UBAP2: variants seen among roughly 807,000 people sequenced by gnomAD.
The protein encoded by UBAP2 is ubiquitin associated protein 2.
In UBAP2, 75 loss-of-function variants were observed where a neutral mutation model predicts 139.6. That is an observed-to-expected ratio of 0.54 (90% CI 0.45 to 0.65). UBAP2 has a LOEUF of 0.65. Among genes scored for constraint, UBAP2 ranks in the 30% least tolerant of loss-of-function variants. UBAP2 has a pLI of 0.00. For synonymous variants in UBAP2, 526 were observed against 526.2 expected (o/e 1.00, Z 0.01); for missense variants, 1,368 against 1,369.6 (o/e 1.00, Z 0.02).
intron 20 of UBAP2, among the ~76,000 whole-genome samples, chr9:33,927,414 G>C (rs1823541063): frequency 6.6e-6 from 1 of 152,200 alleles, no homozygotes; most frequent in African/African-American, 2.4e-5. Context: ...TGCAGTGCCA[G>C]GAGAGGGACA....
At chr9:34,047,791 G>A (rs1274728276) in intron 1 of UBAP2, among the ~76,000 whole-genome samples, 1 of 152,200 alleles carries the variant, frequency 6.6e-6, no homozygotes, top group African/African-American at 2.4e-5. Context: ...GCCAGCCTGG[G>A]CAACATATGG....
chr9:33,990,637 A>ATTT lies in UBAP2; in HGVS notation c.289-1514_289-1512dup, dbSNP rs35851905. On this transcript the variant is annotated intron_variant, in intron 4 of 28. Coordinates refer to ENST00000379238, the MANE Select transcript of UBAP2 (RefSeq NM_001370062.2). ...GGTTACTTAGAAATAGTACCCCCCA[A>ATTT]TTTTTTTTTTTTTTTTGAGACAGAG... Among the ~76,000 whole-genome samples, 105 of 132,628 alleles carry ATTT rather than the reference A, an allele frequency of 7.9e-4. 3 individuals are homozygous for ATTT. The highest frequency in any genetic ancestry group is 9.1e-4 in the African/African-American group (32 of 35,172). The allele number at this position is 132,628 out of a possible 152,430, so 87.0% of individuals were successfully genotyped here.
rs752599980 is a variant in UBAP2 at position 33,922,896 on chromosome 9, CA to C, written c.3073-19del. ...TCAAAAGTCTACAGGGCAAAGAAGA[CA>C]ATGGTGAAGGTCAGGTTGGGCTGTA... On this transcript the variant is annotated intron_variant, in intron 27 of 28. Coordinates refer to ENST00000379238, the MANE Select transcript of UBAP2 (RefSeq NM_001370062.2). 1.2e-6 allele frequency: 2 copies of C among 1,610,982 alleles called. No homozygotes were observed. The highest frequency in any genetic ancestry group is 1.3e-5 in the African/African-American group (1 of 74,864).
intron 14 of UBAP2, among the ~76,000 whole-genome samples, chr9:33,943,810 T>A (rs945201234): frequency 1.3e-5 from 2 of 152,100 alleles, no homozygotes; most frequent in Non-Finnish European, 2.9e-5. Context: ...CTCATGCCTG[T>A]AATCCCAGGA....
At chr9:34,035,514 A>AAAAAATATATATATATATATATAT in intron 1 of UBAP2, among the ~76,000 whole-genome samples, 2 of 22,472 alleles carry the variant, frequency 8.9e-5, no homozygotes, top group African/African-American at 2.6e-4. Context: ...AAAAAAAAAA[A>AAAAAATATATATATATATATATAT]ATATATATAT....
intron 6 of UBAP2, among the ~76,000 whole-genome samples, chr9:33,981,285 T>TATATATATATATTCTGG (rs1564044751): frequency 4.2e-5 from 3 of 71,140 alleles, no homozygotes; most frequent in African/African-American, 1.7e-4. Context: ...ATATTCTGGA[T>TATATATATATATTCTGG]ATATATATAT....
chr9:33,993,013 G>C (rs143579034), intron 4 of UBAP2, among the ~76,000 whole-genome samples: 1 of 152,222 alleles, frequency 6.6e-6, no homozygotes, highest in East Asian at 1.9e-4. Flanking sequence ...TTACTAAAAA[G>C]AGTTAAGTAC....
intron 3 of UBAP2, chr9:33,997,923 T>C (rs920117443): frequency 6.6e-6 from 1 of 152,124 alleles, no homozygotes; most frequent in African/African-American, 2.4e-5. Flanking sequence ...CTACCAAGAG[T>C]TGGAATATCT....
In UBAP2 at chr9:33,926,608, C is replaced by T. The variant is rs773902306; in HGVS notation, c.2511+9G>A. 6.2e-7 allele frequency: 1 copy of T among 1,614,104 alleles called. No individual in the cohort carries two copies. The highest frequency in any genetic ancestry group is 8.5e-7 in the Non-Finnish European group (1 of 1,179,982). ...ACCCTCTGCTCCGACCAGTCCATAC[C>T]CCACTCACCACTGGCAGCCGTGACT... On this transcript the variant is annotated intron_variant, in intron 22 of 28. Coordinates refer to ENST00000379238, the MANE Select transcript of UBAP2 (RefSeq NM_001370062.2).
intron 6 of UBAP2, among the ~76,000 whole-genome samples, chr9:33,982,458 G>C (rs1820845753): frequency 6.6e-6 from 1 of 152,156 alleles, no homozygotes; most frequent in Admixed American, 6.5e-5. Context: ...TGCCTACATA[G>C]CTGCTTTTAT....
intron 2 of UBAP2, among the ~76,000 whole-genome samples, chr9:34,003,739 A>G (rs1327973267): frequency 6.8e-6 from 1 of 146,526 alleles, no homozygotes; most frequent in African/African-American, 2.5e-5. Context: ...TTTTTTTTTG[A>G]GACAGAGTTT....
At chr9:34,023,948 G>A (rs1324767121) in intron 1 of UBAP2, among the ~76,000 whole-genome samples, 1 of 152,216 alleles carries the variant, frequency 6.6e-6, no homozygotes, top group Non-Finnish European at 1.5e-5. Context: ...GGAGGCTGAC[G>A]CAGGAGAATC....
At position 33,944,424 on chromosome 9, in the gene UBAP2, G is replaced by A; in HGVS notation, c.1486C>T (p.His496Tyr). 1 of 1,614,114 alleles carries A rather than the reference G, an allele frequency of 6.2e-7. No individual in the cohort carries two copies. The highest frequency in any genetic ancestry group is 2.2e-5 in the East Asian group (1 of 44,882). The change falls in exon 14 of 29, where the codon CAC becomes TAC. Residue 496 changes from histidine (H) to tyrosine (Y), a missense_variant. By Grantham distance (83) the His-to-Tyr change is moderately conservative. Transcript: ENST00000379238. ...TTGATGTGTTTGGGCTGTGGCTGGT[G>A]GACAGACACAGAGATATTTTCAATG... ...TTIENISVSV[H>Y]QPQPKHIKLA...
rs1357652052 is a variant in UBAP2, at chr9:33,953,473, T to C, written c.868A>G (p.Ile290Val). Residue 290 changes from isoleucine to valine, a missense_variant and splice_region_variant, in exon 12 of 29, where the codon ATT becomes GTT. Transcript: ENST00000379238. ...AENHILPGQS[I>V]DLVALLQKPV... Reference sequence around the variant, plus strand: ...TTCTGGAGCAAGGCTACCAGATCAATGCTAAGCAGACAAAAAGCAATGAGG... The same window carrying C: ...TTCTGGAGCAAGGCTACCAGATCAACGCTAAGCAGACAAAAAGCAATGAGG... The C allele has an allele frequency of 4.3e-6, 7 of 1,609,896 alleles. No homozygotes were observed. The highest frequency in any genetic ancestry group is 5.9e-6 in the Non-Finnish European group (7 of 1,178,186).
chr9:33,935,891 G>A lies in UBAP2; in HGVS notation c.1930-13C>T. 1 of 1,610,184 alleles carries A rather than the reference G, an allele frequency of 6.2e-7. No homozygotes were observed. Among genetic ancestry groups the A allele is most frequent in the East Asian group, 2.2e-5 (1 of 44,862 alleles). On this transcript the variant is annotated splice_polypyrimidine_tract_variant and intron_variant, in intron 16 of 28. Transcript: ENST00000379238. ...CACCATGTCCATTCTATAAGGAAAAGAAGAGAAGAGAATATAAACTTACAA... is the reference window on the plus strand; with the variant it reads ...CACCATGTCCATTCTATAAGGAAAAAAAGAGAAGAGAATATAAACTTACAA...
At chr9:33,985,204 T>C (rs1472802731) in intron 6 of UBAP2, among the ~76,000 whole-genome samples, 1 of 152,176 alleles carries the variant, frequency 6.6e-6, no homozygotes, top group Non-Finnish European at 1.5e-5. Flanking sequence ...ATTTTTAACT[T>C]TTTACAGATA....
intron 19 of UBAP2, 83 bp downstream of exon 19, chr9:33,932,479 C>A: frequency 6.6e-7 from 1 of 1,520,174 alleles, no homozygotes; most frequent in South Asian, 1.2e-5. Context: ...CACTAAAAAT[C>A]AGACTGAAGC....
At chr9:33,998,757 A>C in intron 3 of UBAP2, 30 bp downstream of exon 3, 1 of 1,580,016 alleles carries the variant, frequency 6.3e-7, no homozygotes, top group Non-Finnish European at 8.6e-7. Flanking sequence ...TAGATTATAA[A>C]AATGATGATA....
intron 11 of UBAP2, among the ~76,000 whole-genome samples, chr9:33,954,267 T>TACACACACACACACACACACACACACAC (rs368965909): frequency 3.0e-5 from 3 of 101,680 alleles, no homozygotes; most frequent in South Asian, 6.5e-4. Flanking sequence ...AGTGTGTGTA[T>TACACACACACACACACACACACACACAC]ATACACACAC....
Sources: gnomAD v4.1 joint callset for allele counts (sites outside exome capture counted in the v4.1 genomes callset) on GRCh38, gnomAD v4.1.1 for gene constraint, MANE v1.5 for transcripts, NCBI Gene and HGNC (gene_info 2026-07-23, HGNC 2026-07-21) for gene names.